The following TP63 variants were observed in gnomAD, a reference collection of about 807,000 sequenced individuals.
TP63 encodes tumor protein 63.
TP63 carries 17 observed loss-of-function variants against 82.8 expected under a neutral mutation model. That is an observed-to-expected ratio of 0.21 (90% confidence interval 0.14 to 0.31). The LOEUF is 0.31. Ranked by LOEUF, TP63 falls within the 10% of genes least tolerant of loss-of-function variation. TP63 has a pLI of 1.00. For missense variants in TP63, 648 were observed against 895.3 expected (o/e 0.72, Z 3.52); for synonymous variants, 330 against 321.7 (o/e 1.03, Z -0.28).
intron 3 of TP63, among the ~76,000 whole-genome samples, chr3:189,779,817 G>A (rs769868215): frequency 1.2e-3 from 189 of 152,038 alleles, no homozygotes; most frequent in Non-Finnish European, 2.2e-3. Context: ...CTTATTATAT[G>A]GATCAAACCA....
intron 1 of TP63, among the ~76,000 whole-genome samples, chr3:189,654,456 T>C (rs1164171464): frequency 6.6e-6 from 1 of 152,196 alleles, no homozygotes; most frequent in African/African-American, 2.4e-5. Context: ...GAAGCTCATG[T>C]TACTATTTAG....
At chr3:189,789,400 A>T (rs1724894704) in intron 3 of TP63, among the ~76,000 whole-genome samples, 1 of 151,888 alleles carries the variant, frequency 6.6e-6, no homozygotes, top group Non-Finnish European at 1.5e-5. Context: ...TTGTTTTTAA[A>T]AGACAGTGCA....
At chr3:189,667,116 TG>T (rs766487512) in intron 1 of TP63, among the ~76,000 whole-genome samples, 91 of 150,276 alleles carry the variant, frequency 6.1e-4, no homozygotes, top group Middle Eastern at 3.4e-3. Flanking sequence ...AAGAAGGAGC[TG>T]ACACACAAGC....
At chr3:189,691,223 C>T (rs773846836) in intron 1 of TP63, among the ~76,000 whole-genome samples, 2 of 150,744 alleles carry the variant, frequency 1.3e-5, no homozygotes, top group African/African-American at 2.4e-5. Context: ...CCTGTAATCC[C>T]AGCTACTCGG....
the TP63 span, among the ~76,000 whole-genome samples, chr3:189,613,295 C>A: frequency 6.6e-6 from 1 of 152,228 alleles, no homozygotes; most frequent in Non-Finnish European, 1.5e-5. Flanking sequence ...CCAGCCATGG[C>A]TGAAAGGGGC....
Position 189,869,385 on chromosome 3 carries a change from T to C in TP63, c.1191T>C (p.Asp397=). The change falls in exon 9 of 14, where the codon GAT becomes GAC. Residue 397 remains aspartate (D), a synonymous_variant. Transcript: ENST00000264731. ...MTSIKKRRSP[D]DELLYLPVRG... ...CCATCAAGAAACGAAGATCCCCAGA[T>C]GATGAACTGTTATACTTACCAGTAG... 2 of 1,614,056 alleles carry C rather than the reference T, an allele frequency of 1.2e-6. No individual in the cohort carries two copies. The highest frequency in any genetic ancestry group is 1.7e-6 in the Non-Finnish European group (2 of 1,179,964).
chr3:189,867,153 T>C (rs1717828290), intron 6 of TP63, among the ~76,000 whole-genome samples: 2 of 152,100 alleles, frequency 1.3e-5, no homozygotes, highest in African/African-American at 4.8e-5. Context: ...TTACCATAAG[T>C]GGGAAAGCCT....
chr3:189,812,884 T>C (rs947854365), intron 4 of TP63, among the ~76,000 whole-genome samples: 3 of 152,220 alleles, frequency 2.0e-5, no homozygotes, highest in Non-Finnish European at 2.9e-5. Context: ...TAATGTTTTT[T>C]CTTAAAGCTT....
chr3:189,737,338 G>A (rs564824907), intron 1 of TP63, among the ~76,000 whole-genome samples: 7 of 152,254 alleles, frequency 4.6e-5, no homozygotes, highest in East Asian at 3.8e-4. Flanking sequence ...GGCAGAATGG[G>A]CAGATAATCA....
chr3:189,596,956 T>G, the TP63 span, among the ~76,000 whole-genome samples: 141,069 of 151,890 alleles, frequency 0.93, 66,400 homozygotes, highest in East Asian at 1. Context: ...CTTAAGAACT[T>G]CAACACTCAC....
chr3:189,657,146 T>TA (rs1175899318), intron 1 of TP63, among the ~76,000 whole-genome samples: 1 of 151,930 alleles, frequency 6.6e-6, no homozygotes, highest in Non-Finnish European at 1.5e-5. Context: ...ACTATAGAGC[T>TA]AAGAAAAAGA....
At chr3:189,879,940 A>G (rs914820969) in intron 10 of TP63, 1 of 1,282,368 alleles carries the variant, frequency 7.8e-7, no homozygotes, top group East Asian at 2.7e-5. Context: ...ATAGCTTTTC[A>G]GGCACTCTAT....
chr3:189,725,287 AAGAC>A (rs1719690478), intron 1 of TP63, among the ~76,000 whole-genome samples: 1 of 152,338 alleles, frequency 6.6e-6, no homozygotes, highest in African/African-American at 2.4e-5. Context: ...GTTTATACAC[AAGAC>A]AGACCCTGTA....
chr3:189,622,957 A>AT, the TP63 span, among the ~76,000 whole-genome samples: 2 of 152,040 alleles, frequency 1.3e-5, no homozygotes, highest in African/African-American at 2.4e-5. Context: ...GATTTCTAAG[A>AT]TTTTTTTTCT....
At chr3:189,840,359 CTTTTTTTTTTT>C in intron 4 of TP63, among the ~76,000 whole-genome samples, 3 of 44,448 alleles carry the variant, frequency 6.7e-5, no homozygotes, top group African/African-American at 1.1e-4. Flanking sequence ...TGCTTTTCGT[CTTTTTTTTTTT>C]TTTTTTTTTT....
chr3:189,763,556 G>A (rs1306883654), intron 3 of TP63, among the ~76,000 whole-genome samples: 1 of 152,208 alleles, frequency 6.6e-6, no homozygotes, highest in Non-Finnish European at 1.5e-5. Context: ...CTAAGTGCCA[G>A]AGGAAAGTAA....
At chr3:189,736,697 T>C (rs551329855) in intron 1 of TP63, among the ~76,000 whole-genome samples, 3 of 152,248 alleles carry the variant, frequency 2.0e-5, no homozygotes, top group African/African-American at 7.2e-5. Context: ...GAATGTGCTA[T>C]TGCAGGTAGC....
At chr3:189,606,170 C>T in the TP63 span, among the ~76,000 whole-genome samples, 30 of 152,134 alleles carry the variant, frequency 2.0e-4, no homozygotes, top group Non-Finnish European at 4.1e-4. Context: ...AGTCTAAATT[C>T]ACTCTACTTT....
chr3:189,816,637 A>G (rs934071050), intron 4 of TP63, among the ~76,000 whole-genome samples: 3 of 152,184 alleles, frequency 2.0e-5, no homozygotes, highest in African/African-American at 7.2e-5. Flanking sequence ...CTTTCCAACA[A>G]CTTCCAATTC....
Sources: gnomAD v4.1 joint callset for allele counts (sites outside exome capture counted in the v4.1 genomes callset) on GRCh38, gnomAD v4.1.1 for gene constraint, MANE v1.5 for transcripts, NCBI Gene and HGNC (gene_info 2026-07-23, HGNC 2026-07-21) for gene names.